The following FOCAD variants were observed in gnomAD, a reference collection of about 807,000 sequenced individuals.
The protein encoded by FOCAD is focadhesin.
In FOCAD, 198 loss-of-function variants were observed where a neutral mutation model predicts 225.6. The observed-to-expected ratio is 0.88, with a 90% CI of 0.78 to 0.99. The LOEUF (loss-of-function observed/expected upper bound fraction) is 0.99, where lower values mean the gene tolerates loss of function less well. Ranked by LOEUF, FOCAD falls within the 50% of genes least tolerant of loss-of-function variation. The pLI is 0.00. For synonymous variants in FOCAD, 897 were observed against 755.0 expected, an observed-to-expected ratio of 1.19 and a Z score of -3.08; for missense variants, 2,713 against 2,123.6, an observed-to-expected ratio of 1.28 and a Z score of -5.46.
intron 5 of FOCAD, among the ~76,000 whole-genome samples, chr9:20,740,573 A>C (rs1458391771): frequency 6.6e-6 from 1 of 152,204 alleles, no homozygotes; most frequent in Non-Finnish European, 1.5e-5. Context: ...TTTGGAATTG[A>C]AATCTTTTAC....
chr9:20,689,586 A>T (rs1822860978), intron 1 of FOCAD, among the ~76,000 whole-genome samples: 1 of 152,086 alleles, frequency 6.6e-6, no homozygotes, highest in Admixed American at 6.5e-5. Context: ...AGGTATGGGG[A>T]GCATCTAGTG....
intron 24 of FOCAD, 67 bp from the exon 25 acceptor site, chr9:20,923,593 A>G (rs1834655620): frequency 8.1e-7 from 1 of 1,238,766 alleles, no homozygotes; most frequent in Non-Finnish European, 1.2e-6. Flanking sequence ...GCCCTCCTAT[A>G]TTAGCTCTTT....
At chr9:20,790,711 C>T (rs1256905744) in intron 11 of FOCAD, among the ~76,000 whole-genome samples, 1 of 152,140 alleles carries the variant, frequency 6.6e-6, no homozygotes, top group Admixed American at 6.5e-5. Flanking sequence ...GTGGAGGTTG[C>T]AGTGAGCCGA....
At chr9:20,940,235 T>TTCA (rs1239638550) in intron 28 of FOCAD, among the ~76,000 whole-genome samples, 30 of 151,896 alleles carry the variant, frequency 2.0e-4, no homozygotes, top group African/African-American at 6.8e-4. Flanking sequence ...AGTTTAGTGC[T>TTCA]TCATCATTAC....
chr9:20,758,114 TGTGCTTGAACACA>T lies in FOCAD; in HGVS notation c.419_431del (p.Val140AspfsTer12). On this transcript the variant is annotated frameshift_variant, in exon 6 of 44. Coordinates refer to ENST00000338382, the MANE Select transcript of FOCAD (RefSeq NM_001375567.1). LOFTEE classifies it high-confidence loss of function. The stretch of plus-strand genomic sequence containing the variant: ...GAAATCATCCTCATCCTTTGATAAC[TGTGCTTGAACACA>T]GACCTGATTGCTGGCCAGTGTTTTT... 1.2e-5 allele frequency: 19 copies of T among 1,610,058 alleles called. No individual in the cohort carries two copies. The highest frequency in any genetic ancestry group is 1.6e-5 in the Non-Finnish European group (19 of 1,178,564).
chr9:20,759,473 A>G lies in FOCAD; in HGVS notation c.494+1282A>G, dbSNP rs368229611. On this transcript the variant is annotated intron_variant, in intron 6 of 43. Transcript: ENST00000338382. ...ACAAGCAATGGGGAAAGGATTCCCT[A>G]TTTAATAAATGGTGCTGGGAAAACT... Among the ~76,000 whole-genome samples the G allele has an allele frequency of 5.8e-4, 89 of 152,344 alleles. 3 individuals are homozygous for G. The East Asian group carries it at 0.014, about 25-fold the overall frequency.
chr9:20,709,396 T>A (rs1053251150), intron 1 of FOCAD, among the ~76,000 whole-genome samples: 8 of 151,360 alleles, frequency 5.3e-5, no homozygotes, highest in Non-Finnish European at 1.0e-4. Context: ...CAAGAAGTAA[T>A]ATATAAATTG....
chr9:20,768,653 T>C (rs531268443), intron 7 of FOCAD, among the ~76,000 whole-genome samples: 2 of 152,280 alleles, frequency 1.3e-5, no homozygotes, highest in South Asian at 4.1e-4. Flanking sequence ...TAAGACAGAA[T>C]CACATTTAAA....
At chr9:20,901,066 C>A (rs935591506) in intron 21 of FOCAD, among the ~76,000 whole-genome samples, 2 of 151,788 alleles carry the variant, frequency 1.3e-5, no homozygotes, top group Non-Finnish European at 2.9e-5. Flanking sequence ...TTTGCCCCAA[C>A]AAGATTACTG....
intron 4 of FOCAD, among the ~76,000 whole-genome samples, chr9:20,739,715 T>TC (rs1219715082): frequency 6.6e-6 from 1 of 152,186 alleles, no homozygotes; most frequent in African/African-American, 2.4e-5. Context: ...AGCCTATTTT[T>TC]CTTTCTGATA....
At chr9:20,916,576 A>G (rs766887211) in intron 23 of FOCAD, among the ~76,000 whole-genome samples, 1 of 152,222 alleles carries the variant, frequency 6.6e-6, no homozygotes, top group Non-Finnish European at 1.5e-5. Context: ...AGTCCATTGA[A>G]GAGAGTAATA....
intron 4 of FOCAD, among the ~76,000 whole-genome samples, chr9:20,729,617 A>G (rs1445191632): frequency 6.6e-6 from 1 of 152,166 alleles, no homozygotes; most frequent in Non-Finnish European, 1.5e-5. Context: ...TGCTAGGATC[A>G]CTTATACAGT....
At chr9:20,662,541 T>G (rs1271559704) in intron 2 of FOCAD, among the ~76,000 whole-genome samples, 1 of 152,150 alleles carries the variant, frequency 6.6e-6, no homozygotes, top group Non-Finnish European at 1.5e-5. Context: ...TGCATCTGGT[T>G]TCAGCTTTTT....
Position 20,982,398 on chromosome 9 carries a change from C to T in FOCAD, c.4680C>T (p.Leu1560=), listed in dbSNP as rs754909539. 6.2e-7 allele frequency: 1 copy of T among 1,613,918 alleles called. No individual in the cohort carries two copies. Residue 1560 remains leucine, a synonymous_variant, in exon 39 of 44, where the codon CTC becomes CTT. Coordinates refer to ENST00000338382, the MANE Select transcript of FOCAD (RefSeq NM_001375567.1). ...LELYISIAKC[L]LEMTDDDANR... Reference sequence around the variant, plus strand: ...TGTATATCAGCATAGCAAAATGCCTCTTAGAAATGACAGATGATGATGCCA... The same window carrying T: ...TGTATATCAGCATAGCAAAATGCCTTTTAGAAATGACAGATGATGATGCCA...
chr9:20,888,676 C>T (rs1246421676), intron 21 of FOCAD, among the ~76,000 whole-genome samples: 1 of 152,014 alleles, frequency 6.6e-6, no homozygotes, highest in Non-Finnish European at 1.5e-5. Context: ...CTACATGTTG[C>T]GGTAGGAACC....
chr9:20,764,304 A>C (rs1472300035), intron 6 of FOCAD, among the ~76,000 whole-genome samples: 2 of 152,066 alleles, frequency 1.3e-5, no homozygotes, highest in African/African-American at 4.8e-5. Flanking sequence ...GCCAGGCTGG[A>C]GTGCAGTGGA....
At chr9:20,938,493 A>T (rs1039474493) in intron 28 of FOCAD, among the ~76,000 whole-genome samples, 5 of 150,198 alleles carry the variant, frequency 3.3e-5, no homozygotes, top group African/African-American at 4.9e-5. Context: ...AAAACCAAAC[A>T]CCACATGTTC....
chr9:20,700,254 A>G (rs1170561108), intron 1 of FOCAD, among the ~76,000 whole-genome samples: 1 of 152,178 alleles, frequency 6.6e-6, no homozygotes, highest in Non-Finnish European at 1.5e-5. Context: ...GCACATAGCT[A>G]TGATAAATAA....
At chr9:20,981,751 C>T in intron 38 of FOCAD, 65 bp downstream of exon 38, 1 of 1,529,084 alleles carries the variant, frequency 6.5e-7, no homozygotes, top group African/African-American at 1.4e-5. Flanking sequence ...GGCTTCTTGG[C>T]AAAGTGGGGA....
Sources: allele counts gnomAD v4.1 joint callset (sites outside exome capture counted in the v4.1 genomes callset), GRCh38; gene constraint gnomAD v4.1.1; transcripts MANE v1.5; gene names NCBI Gene and HGNC (gene_info 2026-07-23, HGNC 2026-07-21).